Variants in CTTN observed in about 807,000 individuals in gnomAD.
CTTN encodes cortactin.
A neutral mutation model predicts 84.0 loss-of-function variants in CTTN; 28 were observed. The ratio of observed to expected loss-of-function variants is 0.33; its 90% CI spans 0.25 to 0.46. The LOEUF is 0.46. Ranked by LOEUF, CTTN falls within the 20% of genes least tolerant of loss-of-function variation. The pLI, the probability that CTTN is intolerant of heterozygous loss-of-function variation, is 1.00. For synonymous variants in CTTN, 301 were observed against 288.8 expected (o/e 1.04, Z -0.43); for missense variants, 641 against 723.8 (o/e 0.89, Z 1.31).
chr11:70,416,873 G>A (rs2058168057), intron 7 of CTTN, 140 bp from the exon 8 acceptor site: 1 of 679,878 alleles, frequency 1.5e-6, no homozygotes, highest in South Asian at 1.6e-5. Context: ...TGGAGCAGTG[G>A]GTGGCTTGTT....
intron 2 of CTTN, among the ~76,000 whole-genome samples, chr11:70,405,823 C>A (rs145900682): frequency 1.1e-3 from 164 of 152,314 alleles, no homozygotes; most frequent in African/African-American, 3.8e-3. Context: ...AAGGTGGCCT[C>A]GCCAGCCCTG....
At position 70,433,252 on chromosome 11, in the gene CTTN, C is replaced by T. The variant is rs1340041159; in HGVS notation, c.1418C>T (p.Ala473Val). 10 of 1,612,240 alleles carry T rather than the reference C, an allele frequency of 6.2e-6. 1 individual carries two copies. The Middle Eastern group carries it at 5.1e-4, about 83-fold the overall frequency. Residue 473 changes from alanine (A) to valine (V), a missense_variant, in exon 16 of 18, where the codon GCA (alanine) becomes GTA (valine). By Grantham distance (64) the Ala-to-Val change is moderately conservative. Transcript: ENST00000301843. The stretch of plus-strand genomic sequence containing the variant: ...GCCACAGAGGCTGTCTATGAAAGCG[C>T]AGAGGCCCCGGGCCACTATCCCGCA... ...AYATEAVYES[A>V]EAPGHYPAED...
Position 70,435,614 on chromosome 11 carries a change from G to GT in CTTN, c.*453dup, listed in dbSNP as rs1196134177. The GT allele has an allele frequency of 6.3e-7, 1 of 1,589,362 alleles. No homozygotes were observed. The highest frequency in any genetic ancestry group is 2.2e-5 in the East Asian group (1 of 44,554). Reference sequence around the variant, plus strand: ...TCCCAGACGAGGGGCTTCCTCTAGAGTCTCACTGCTGGGGAGGAGAGGACT... The same window carrying GT: ...TCCCAGACGAGGGGCTTCCTCTAGAGTTCTCACTGCTGGGGAGGAGAGGACT... On this transcript the variant is annotated 3_prime_UTR_variant, in exon 18 of 18. Coordinates refer to ENST00000301843, the MANE Select transcript of CTTN (RefSeq NM_005231.4).
At position 70,435,781 on chromosome 11, in the gene CTTN, C is replaced by T. The variant is rs1336538982; in HGVS notation, c.*619C>T. The T allele has an allele frequency of 4.4e-6, 7 of 1,589,538 alleles. No individual in the cohort carries two copies. The highest frequency in any genetic ancestry group is 2.2e-5 in the South Asian group (2 of 89,496). The stretch of plus-strand genomic sequence containing the variant: ...CAGAGACCCTGGTTTTTTTCCTGTG[C>T]CCACTCCGGCTTGTCCTCATCTCTA... On this transcript the variant is annotated 3_prime_UTR_variant, in exon 18 of 18. Coordinates refer to ENST00000301843, the MANE Select transcript of CTTN (RefSeq NM_005231.4).
chr11:70,421,480 TG>T lies in CTTN; in HGVS notation c.803del (p.Gly268ValfsTer76). ...CTTGTGGATTTTCAGATTATAAGAC[TG>T]GTTTTGGAGGCAAATTCGGTGTTCA... is the stretch of plus-strand genomic sequence containing the variant. ...LHESQKDYKTGFGGKFGVQSE... is the reference protein window; with the variant it reads ...LHESQKDYKTXFGGKFGVQSE... On this transcript the variant is annotated frameshift_variant, in exon 11 of 18. Transcript: ENST00000301843. LOFTEE classifies it high-confidence loss of function. The T allele has an allele frequency of 6.2e-7, 1 of 1,612,446 alleles. No homozygotes were observed. The highest frequency in any genetic ancestry group is 8.5e-7 in the Non-Finnish European group (1 of 1,178,412).
chr11:70,435,871 G>A lies in CTTN; in HGVS notation c.*709G>A. On this transcript the variant is annotated 3_prime_UTR_variant, in exon 18 of 18. Coordinates refer to ENST00000301843, the MANE Select transcript of CTTN (RefSeq NM_005231.4). ...GAGCCTCTCCTGTCCCCGCCGGGCA[G>A]TGTCACTGAGTCCTTGAAATCCTCC... 6.7e-7 allele frequency: 1 copy of A among 1,500,178 alleles called. No homozygotes were observed. Among genetic ancestry groups the A allele is most frequent in the South Asian group, 1.3e-5 (1 of 79,222 alleles). The allele number at this position is 1,500,178 out of a possible 1,614,324, so 92.9% of individuals were successfully genotyped here.
intron 12 of CTTN, among the ~76,000 whole-genome samples, chr11:70,423,389 G>A (rs913109969): frequency 2.2e-4 from 34 of 152,342 alleles, no homozygotes; most frequent in African/African-American, 7.5e-4. Context: ...GGCAGCCAGC[G>A]CTGCGTGTGC....
At chr11:70,420,061 C>A in intron 9 of CTTN, 3 of 606,020 alleles carry the variant, frequency 5.0e-6, no homozygotes, top group Non-Finnish European at 8.7e-6. Flanking sequence ...GCGCTCCAGC[C>A]CCAGCGGCGT....
At chr11:70,422,487 A>AT (rs200722008) in intron 11 of CTTN, 1,336 of 1,209,614 alleles carry the variant, frequency 1.1e-3, no homozygotes, top group Middle Eastern at 1.6e-3. Flanking sequence ...TTCCACATGG[A>AT]TTTTTTTTTT....
chr11:70,420,049 T>C (rs1328002493), intron 9 of CTTN, 193 bp downstream of exon 9: 10 of 613,738 alleles, frequency 1.6e-5, no homozygotes, highest in East Asian at 5.5e-5. Context: ...TTGAGTGTTA[T>C]GGCGCTCCAG....
chr11:70,431,203 G>A lies in CTTN; in HGVS notation c.1189G>A (p.Ala397Thr), dbSNP rs1361132940. The A allele has an allele frequency of 6.8e-6, 11 of 1,614,188 alleles. No homozygotes were observed. Among genetic ancestry groups the A allele is most frequent in the Non-Finnish European group, 8.5e-6 (10 of 1,180,022 alleles). ...ARRKLEEQAR[A>T]KTQTPPVSPA... ...TTTTCAATCACAGGAGCAAGCCAGA[G>A]CCAAAACGCAAACGCCCCCTGTGTC... Residue 397 changes from alanine to threonine, a missense_variant, in exon 15 of 18, where the codon GCC becomes ACC. By Grantham distance (58) the Ala-to-Thr change is moderately conservative. Coordinates refer to ENST00000301843, the MANE Select transcript of CTTN (RefSeq NM_005231.4).
chr11:70,429,919 A>C (rs561690814), intron 14 of CTTN, among the ~76,000 whole-genome samples: 1 of 152,198 alleles, frequency 6.6e-6, no homozygotes, highest in South Asian at 2.1e-4. Context: ...AGTGTGGGGC[A>C]GGCCCAGCCT....
chr11:70,426,425 AAGAG>A (rs1180251948), intron 13 of CTTN, among the ~76,000 whole-genome samples: 53 of 151,634 alleles, frequency 3.5e-4, no homozygotes, highest in African/African-American at 6.0e-4. Context: ...AAAAAAAAAA[AAGAG>A]AGAGAGGAAT....
At chr11:70,421,007 G>A (rs2058230042) in intron 10 of CTTN, among the ~76,000 whole-genome samples, 2 of 152,218 alleles carry the variant, frequency 1.3e-5, no homozygotes, top group South Asian at 4.1e-4. Flanking sequence ...GTTGGAATGG[G>A]TGCCCCTTCC....
Position 70,436,054 on chromosome 11 carries a change from C to T in CTTN, c.*892C>T. 1 of 1,424,988 alleles carries T rather than the reference C, an allele frequency of 7.0e-7. No individual in the cohort carries two copies. The highest frequency in any genetic ancestry group is 1.5e-5 in the South Asian group (1 of 65,546). The allele number at this position is 1,424,988 out of a possible 1,614,324, so 88.3% of individuals were successfully genotyped here. Reference sequence around the variant, plus strand: ...TGTGTGCCATGTCACAGCATGGCCTCTCGGCCTTGGGAAGGAAGGCAGTGC... The same window carrying T: ...TGTGTGCCATGTCACAGCATGGCCTTTCGGCCTTGGGAAGGAAGGCAGTGC... On this transcript the variant is annotated 3_prime_UTR_variant, in exon 18 of 18. Coordinates refer to ENST00000301843, the MANE Select transcript of CTTN (RefSeq NM_005231.4).
chr11:70,401,945 G>A (rs564084284), intron 1 of CTTN, among the ~76,000 whole-genome samples: 1 of 152,238 alleles, frequency 6.6e-6, no homozygotes, highest in East Asian at 1.9e-4. Flanking sequence ...GAGGCCAGGA[G>A]TTGGAGATCA....
At chr11:70,423,758 A>T (rs771203396) in intron 12 of CTTN, among the ~76,000 whole-genome samples, 4 of 152,206 alleles carry the variant, frequency 2.6e-5, no homozygotes, top group Non-Finnish European at 4.4e-5. Context: ...GGAGAGCCCC[A>T]CACACCACAG....
intron 12 of CTTN, among the ~76,000 whole-genome samples, chr11:70,423,844 C>T (rs1219250795): frequency 6.6e-6 from 1 of 152,182 alleles, no homozygotes; most frequent in Non-Finnish European, 1.5e-5. Context: ...GGTTAGCAGG[C>T]AAGGAACACT....
chr11:70,433,619 G>C lies in CTTN; in HGVS notation c.1445-28G>C, dbSNP rs566817034. 3.3e-6 allele frequency: 5 copies of C among 1,529,554 alleles called. No individual in the cohort carries two copies. The East Asian group carries it at 6.7e-5, about 21-fold the overall frequency. 94.7% of individuals were successfully genotyped at this position (1,529,554 alleles called of 1,614,324 possible). ...GGGAACCTGTGTGGGACTTTGTATT[G>C]TTCAGCTCTGTCATGGCTTTCTTTT... On this transcript the variant is annotated intron_variant, in intron 16 of 17. Coordinates refer to ENST00000301843, the MANE Select transcript of CTTN (RefSeq NM_005231.4).
Sources: gnomAD v4.1 joint callset for allele counts (sites outside exome capture counted in the v4.1 genomes callset) on GRCh38, gnomAD v4.1.1 for gene constraint, MANE v1.5 for transcripts, NCBI Gene and HGNC (gene_info 2026-07-23, HGNC 2026-07-21) for gene names.